The following EXOC6B variants were observed in gnomAD, a reference collection of about 807,000 sequenced individuals.
EXOC6B encodes the protein exocyst complex component 6B, also known as SEC15 homolog B.
In EXOC6B, 54 loss-of-function variants were observed where a neutral mutation model predicts 113.5. The observed-to-expected ratio is 0.48, with a 90% confidence interval of 0.38 to 0.60. The LOEUF is 0.60. Among genes scored for constraint, EXOC6B ranks in the 20% least tolerant of loss-of-function variants. EXOC6B has a pLI of 0.00. For missense variants in EXOC6B, 797 were observed against 977.5 expected, an observed-to-expected ratio of 0.82 and a Z score of 2.46; for synonymous variants, 357 against 339.0, an observed-to-expected ratio of 1.05 and a Z score of -0.58.
At position 72,805,119 on chromosome 2, in the gene EXOC6B, C is replaced by T. The variant is rs141801449; in HGVS notation, c.113+20679G>A. ...TGCTGTAACCTAAAGCTGATCTAAG[C>T]AATATGGGACTTGTCCTCCTGGTGC... is the stretch of plus-strand genomic sequence containing the variant. On this transcript the variant is annotated intron_variant, in intron 1 of 21. Transcript: ENST00000272427. Among the ~76,000 whole-genome samples, 613 of 152,282 alleles carry T rather than the reference C, an allele frequency of 4.0e-3. 4 individuals are homozygous for T. The highest frequency in any genetic ancestry group is 0.012 in the South Asian group (56 of 4,818).
chr2:72,243,343 C>A (rs1249725364), intron 20 of EXOC6B, among the ~76,000 whole-genome samples: 1 of 152,128 alleles, frequency 6.6e-6, no homozygotes, highest in African/African-American at 2.4e-5. Flanking sequence ...GGAACCAACC[C>A]AAATATCCAT....
intron 17 of EXOC6B, among the ~76,000 whole-genome samples, chr2:72,467,291 A>C (rs892917607): frequency 2.6e-5 from 4 of 152,248 alleles, no homozygotes; most frequent in Non-Finnish European, 5.9e-5. Flanking sequence ...GTTACAATGA[A>C]CATAAAAGTG....
chr2:72,366,576 G>T (rs996380999), intron 19 of EXOC6B, among the ~76,000 whole-genome samples: 3 of 152,020 alleles, frequency 2.0e-5, no homozygotes, highest in Non-Finnish European at 2.9e-5. Flanking sequence ...GTATAAACTT[G>T]CATGTCCAAA....
chr2:72,758,631 G>A (rs960410610), intron 1 of EXOC6B, among the ~76,000 whole-genome samples: 3 of 152,064 alleles, frequency 2.0e-5, no homozygotes, highest in Non-Finnish European at 2.9e-5. Flanking sequence ...CTTTAACATT[G>A]AAGTGTACAG....
intron 6 of EXOC6B, among the ~76,000 whole-genome samples, chr2:72,651,879 C>T (rs1048888839): frequency 2.6e-5 from 4 of 152,074 alleles, no homozygotes; most frequent in Non-Finnish European, 5.9e-5. Flanking sequence ...GGAATACCTA[C>T]GTTTTTTACT....
At chr2:72,285,970 T>C (rs1020461409) in intron 20 of EXOC6B, among the ~76,000 whole-genome samples, 1 of 152,066 alleles carries the variant, frequency 6.6e-6, no homozygotes, top group Non-Finnish European at 1.5e-5. Flanking sequence ...ATGGCCAAAA[T>C]CCAGGACACT....
At chr2:72,229,998 G>A (rs1407948609) in intron 20 of EXOC6B, among the ~76,000 whole-genome samples, 1 of 151,854 alleles carries the variant, frequency 6.6e-6, no homozygotes, top group African/African-American at 2.4e-5. Context: ...AACCAAAGAA[G>A]GAACAGACAA....
chr2:72,753,620 A>G (rs1682202030), intron 1 of EXOC6B, among the ~76,000 whole-genome samples: 1 of 152,192 alleles, frequency 6.6e-6, no homozygotes, highest in South Asian at 2.1e-4. Flanking sequence ...AAATTGAAAG[A>G]CAGAAATACA....
In EXOC6B at chr2:72,292,533, C is replaced by T. The variant is rs1375601319; in HGVS notation, c.2196+42414G>A. Among the ~76,000 whole-genome samples, 3 of 140,684 alleles carry T rather than the reference C, an allele frequency of 2.1e-5. No homozygotes were observed. The East Asian group carries it at 6.8e-4, about 32-fold the overall frequency. The allele number at this position is 140,684 out of a possible 152,430, so 92.3% of individuals were successfully genotyped here. A position where few individuals can be genotyped will look rare whatever the true frequency, so the allele number is the denominator to read the frequency against. On this transcript the variant is annotated intron_variant, in intron 20 of 21. Transcript: ENST00000272427. ...GATTTCACCAGTTTTTACATGCACGCTTTGTGTGTGTGTGTGTGTGTGTGT... is the reference window on the plus strand; with the variant it reads ...GATTTCACCAGTTTTTACATGCACGTTTTGTGTGTGTGTGTGTGTGTGTGT...
chr2:72,198,283 A>G (rs1394487371), intron 20 of EXOC6B, among the ~76,000 whole-genome samples: 1 of 152,214 alleles, frequency 6.6e-6, no homozygotes, highest in Non-Finnish European at 1.5e-5. Context: ...AGGAAAACCA[A>G]CAAAGCATTA....
chr2:72,745,202 C>T (rs936837556), intron 1 of EXOC6B, among the ~76,000 whole-genome samples: 2 of 152,066 alleles, frequency 1.3e-5, no homozygotes, highest in African/African-American at 4.8e-5. Context: ...CCTGTAATTC[C>T]AGCACTTTGG....
Position 72,339,418 on chromosome 2 carries a change from G to A in EXOC6B, c.2123-4398C>T, listed in dbSNP as rs374367837. Among the ~76,000 whole-genome samples the A allele has an allele frequency of 1.6e-4, 24 of 152,170 alleles. No homozygotes were observed. In the South Asian group the frequency reaches 2.1e-3, roughly 13 times the overall value. ...CCAGCACCAGAGATTCTGAAGCATT[G>A]GCAAGGAAAGCAAGGTACTTGCTCC... On this transcript the variant is annotated intron_variant, in intron 19 of 21. Coordinates refer to ENST00000272427, the MANE Select transcript of EXOC6B (RefSeq NM_015189.3).
intron 6 of EXOC6B, among the ~76,000 whole-genome samples, chr2:72,631,459 TATAGAGAGAGAGAGAGAGAG>T (rs1672451606): frequency 1.7e-3 from 12 of 6,940 alleles, no homozygotes; most frequent in African/African-American, 4.6e-3. Flanking sequence ...TATATATATA[TATAGAGAGAGAGAGAGAGAG>T]AGAGAGAGAG....
At chr2:72,513,285 C>T (rs1701044308) in intron 10 of EXOC6B, 33 bp from the exon 11 acceptor site, 2 of 1,609,490 alleles carry the variant, frequency 1.2e-6, no homozygotes, top group African/African-American at 2.7e-5. Context: ...GCACAGCTGT[C>T]AGAAATTACA....
At chr2:72,487,317 CCTT>C (rs1346021789) in intron 16 of EXOC6B, among the ~76,000 whole-genome samples, 1 of 151,996 alleles carries the variant, frequency 6.6e-6, no homozygotes. Flanking sequence ...ATCAGATTTT[CCTT>C]CTTTTTGATT....
intron 20 of EXOC6B, among the ~76,000 whole-genome samples, chr2:72,240,742 A>T (rs1013850005): frequency 7.2e-5 from 11 of 152,242 alleles, no homozygotes; most frequent in African/African-American, 2.7e-4. Flanking sequence ...AACACATTTA[A>T]ACCATGTAGC....
chr2:72,232,060 C>T lies in EXOC6B; in HGVS notation c.2197-47873G>A, dbSNP rs577082460. ...CACAGTCTTGGCTCACTGCAACCTC[C>T]GCCTACAGGTTCAAGCGATTCTCCT... On this transcript the variant is annotated intron_variant, in intron 20 of 21. Coordinates refer to ENST00000272427, the MANE Select transcript of EXOC6B (RefSeq NM_015189.3). 1.4e-4 allele frequency among the ~76,000 whole-genome samples: 22 copies of T among 152,178 alleles called. No individual in the cohort carries two copies. The East Asian group carries it at 1.7e-3, about 12-fold the overall frequency.
At chr2:72,376,479 G>C (rs186428176) in intron 19 of EXOC6B, among the ~76,000 whole-genome samples, 1 of 152,144 alleles carries the variant, frequency 6.6e-6, no homozygotes, top group African/African-American at 2.4e-5. Context: ...GTCTTTGGCT[G>C]CTTTAAAATT....
At chr2:72,270,753 C>T (rs904685891) in intron 20 of EXOC6B, among the ~76,000 whole-genome samples, 1 of 151,706 alleles carries the variant, frequency 6.6e-6, no homozygotes, top group East Asian at 1.9e-4. Context: ...ATTAATAATG[C>T]ATTAAATTTA....
Sources: allele counts gnomAD v4.1 joint callset (sites outside exome capture counted in the v4.1 genomes callset), GRCh38; gene constraint gnomAD v4.1.1; transcripts MANE v1.5; gene names NCBI Gene and HGNC (gene_info 2026-07-23, HGNC 2026-07-21).